Variants in PPFIBP1 observed in about 807,000 individuals in gnomAD.
PPFIBP1 encodes the protein liprin-beta-1.
In PPFIBP1, 112 loss-of-function variants were observed where a neutral mutation model predicts 137.8. The observed-to-expected ratio is 0.81, with a 90% CI of 0.70 to 0.95. The LOEUF is 0.95. Ranked by LOEUF, PPFIBP1 falls within the 40% of genes least tolerant of loss-of-function variation. The pLI is 0.00. For synonymous variants in PPFIBP1, 378 were observed against 417.3 expected, an observed-to-expected ratio of 0.91 and a Z score of 1.15; for missense variants, 1,083 against 1,196.6, an observed-to-expected ratio of 0.91 and a Z score of 1.40.
chr12:27,692,491 T>A (rs2061608241), intron 28 of PPFIBP1, 100 bp from the exon 29 acceptor site: 1 of 1,063,930 alleles, frequency 9.4e-7, no homozygotes, highest in Non-Finnish European at 1.5e-6. Context: ...CCCCATTCAG[T>A]GCTATTTGCA....
At position 27,676,502 on chromosome 12, in the gene PPFIBP1, T is replaced by A. The variant is rs2060520857; in HGVS notation, c.1485T>A (p.Asp495Glu). Residue 495 changes from aspartate to glutamate, a missense_variant, in exon 18 of 30, where the codon GAT becomes GAA. Transcript: ENST00000228425. ...CCCCAGGGCAGGACACCTCCATGGATGACAACCCCTTCGGCACTCGAAAAG... is the reference window on the plus strand; with the variant it reads ...CCCCAGGGCAGGACACCTCCATGGAAGACAACCCCTTCGGCACTCGAAAAG... Reference protein sequence around the residue: ...PRPPGQDTSMDDNPFGTRKVR... With the variant: ...PRPPGQDTSMEDNPFGTRKVR... 6.2e-7 allele frequency: 1 copy of A among 1,609,272 alleles called. No homozygotes were observed. The highest frequency in any genetic ancestry group is 1.7e-5 in the Admixed American group (1 of 59,234).
chr12:27,593,920 G>A, intron 2 of PPFIBP1: 1 of 1,499,686 alleles, frequency 6.7e-7, no homozygotes, highest in East Asian at 2.4e-5. Flanking sequence ...CGTCTTCCCA[G>A]GAGGTTGTGT....
intron 2 of PPFIBP1, chr12:27,609,019 T>TC (rs2054812382): frequency 6.2e-6 from 1 of 161,620 alleles, no homozygotes; most frequent in Non-Finnish European, 1.3e-5. Flanking sequence ...CACCGACACT[T>TC]AGCTGAGCTG....
chr12:27,605,472 T>G (rs1018861492), intron 2 of PPFIBP1, among the ~76,000 whole-genome samples: 3 of 152,076 alleles, frequency 2.0e-5, no homozygotes, highest in Non-Finnish European at 2.9e-5. Context: ...GAGCCACAAG[T>G]GGGAACCATT....
intron 1 of PPFIBP1, among the ~76,000 whole-genome samples, chr12:27,567,134 A>G (rs1447278271): frequency 6.6e-6 from 1 of 152,228 alleles, no homozygotes; most frequent in Non-Finnish European, 1.5e-5. Flanking sequence ...TTTAAAGGTG[A>G]ACTGGAATGT....
chr12:27,558,885 A>G (rs934458643), intron 1 of PPFIBP1, among the ~76,000 whole-genome samples: 24 of 152,138 alleles, frequency 1.6e-4, no homozygotes, highest in African/African-American at 5.5e-4. Flanking sequence ...TTTATAGAGG[A>G]AGGGTCTTGC....
intron 1 of PPFIBP1, among the ~76,000 whole-genome samples, chr12:27,531,537 A>C (rs1944430590): frequency 6.6e-6 from 1 of 151,840 alleles, no homozygotes; most frequent in Non-Finnish European, 1.5e-5. Context: ...TCCTGATCTC[A>C]GATGATCTGC....
chr12:27,567,463 A>T (rs934917465), intron 1 of PPFIBP1, among the ~76,000 whole-genome samples: 1 of 152,236 alleles, frequency 6.6e-6, no homozygotes, highest in African/African-American at 2.4e-5. Context: ...GAATATGATA[A>T]TAGTCTTACA....
intron 3 of PPFIBP1, 146 bp from the exon 4 acceptor site, chr12:27,634,764 T>A: frequency 1.4e-6 from 1 of 716,436 alleles, no homozygotes; most frequent in Non-Finnish European, 2.3e-6. Context: ...TAACTCTGAC[T>A]TGGAGAGATT....
At chr12:27,639,875 A>C (rs1440849955) in intron 4 of PPFIBP1, among the ~76,000 whole-genome samples, 1 of 152,188 alleles carries the variant, frequency 6.6e-6, no homozygotes, top group African/African-American at 2.4e-5. Flanking sequence ...GTTCTTCCTG[A>C]GTCCCTGACT....
At chr12:27,570,916 AAAAAAT>A (rs757803498) in intron 1 of PPFIBP1, among the ~76,000 whole-genome samples, 1 of 143,424 alleles carries the variant, frequency 7.0e-6, no homozygotes, top group Admixed American at 7.1e-5. Flanking sequence ...GTCTCAAAGA[AAAAAAT>A]AAAAATAAAA....
chr12:27,542,640 C>CTT (rs533283547), intron 1 of PPFIBP1, among the ~76,000 whole-genome samples: 129 of 152,254 alleles, frequency 8.5e-4, no homozygotes, highest in African/African-American at 2.9e-3. Context: ...TCTGCACAGA[C>CTT]GGGAAATTCT....
rs1014774936 is a variant in PPFIBP1 at position 27,524,210 on chromosome 12, T to A, written c.-279T>A. 6 of 152,352 alleles carry A rather than the reference T, an allele frequency of 3.9e-5. No homozygotes were observed. The highest frequency in any genetic ancestry group is 1.4e-4 in the African/African-American group (6 of 41,430). 9.4% of individuals were successfully genotyped at this position (152,352 alleles called of 1,614,324 possible). A position where few individuals can be genotyped will look rare whatever the true frequency, so the allele number is the denominator to read the frequency against. On this transcript the variant is annotated 5_prime_UTR_variant, in exon 1 of 30. Transcript: ENST00000228425. ...CTCCCAGCTCGGTGCCTGCCCGGATTCCTGACATGGTGTAGTGCAGGCAGG... is the reference window on the plus strand; with the variant it reads ...CTCCCAGCTCGGTGCCTGCCCGGATACCTGACATGGTGTAGTGCAGGCAGG...
At chr12:27,576,854 A>T (rs1342116607) in intron 1 of PPFIBP1, among the ~76,000 whole-genome samples, 2 of 152,218 alleles carry the variant, frequency 1.3e-5, no homozygotes, top group Non-Finnish European at 2.9e-5. Context: ...CCATGGCTGC[A>T]CATCCACTCA....
intron 10 of PPFIBP1, among the ~76,000 whole-genome samples, chr12:27,659,446 A>AC (rs1402924262): frequency 1.5e-5 from 1 of 65,860 alleles, no homozygotes; most frequent in Non-Finnish European, 3.6e-5. Context: ...TCCTGTCTCT[A>AC]CAAAAAAAAA....
intron 11 of PPFIBP1, among the ~76,000 whole-genome samples, chr12:27,661,536 G>T (rs116546232): frequency 0.018 from 2,777 of 152,256 alleles, 80 homozygotes; most frequent in African/African-American, 0.063. Flanking sequence ...TAAGGGCAGG[G>T]ATGCAGTTAC....
At chr12:27,645,738 A>G (rs992480957) in intron 4 of PPFIBP1, among the ~76,000 whole-genome samples, 12 of 152,344 alleles carry the variant, frequency 7.9e-5, no homozygotes, top group Admixed American at 2.6e-4. Flanking sequence ...TGCCCCCTAC[A>G]TACTCACAAA....
chr12:27,584,453 A>C (rs1743731304), intron 2 of PPFIBP1: 1 of 152,270 alleles, frequency 6.6e-6, no homozygotes, highest in African/African-American at 2.4e-5. Context: ...ATGGTGACCG[A>C]GAATTCTCGC....
intron 2 of PPFIBP1, among the ~76,000 whole-genome samples, chr12:27,612,328 G>GTTTTTTTTT (rs1173958726): frequency 1.4e-4 from 12 of 87,250 alleles, no homozygotes; most frequent in Non-Finnish European, 1.9e-4. Flanking sequence ...CTTTATTGGT[G>GTTTTTTTTT]TTTTTTTTTT....
Sources: allele counts gnomAD v4.1 joint callset (sites outside exome capture counted in the v4.1 genomes callset), GRCh38; gene constraint gnomAD v4.1.1; transcripts MANE v1.5; gene names NCBI Gene and HGNC (gene_info 2026-07-23, HGNC 2026-07-21).